AGBL4: variants seen among roughly 807,000 people sequenced by gnomAD.
AGBL4 encodes cytosolic carboxypeptidase 6.
A neutral mutation model predicts 66.4 loss-of-function variants in AGBL4; 58 were observed. The observed-to-expected ratio is 0.87, with a 90% CI of 0.71 to 1.09. AGBL4 has a LOEUF of 1.09. Among genes scored for constraint, AGBL4 ranks in the 50% least tolerant of loss-of-function variants. The pLI, the probability that AGBL4 is intolerant of heterozygous loss-of-function variation, is 0.00. For synonymous variants in AGBL4, 234 were observed against 222.9 expected, an observed-to-expected ratio of 1.05 and a Z score of -0.44; for missense variants, 579 against 631.0, an observed-to-expected ratio of 0.92 and a Z score of 0.88.
chr1:49,968,152 G>A (rs575677066), intron 1 of AGBL4, among the ~76,000 whole-genome samples: 5 of 151,834 alleles, frequency 3.3e-5, no homozygotes, highest in African/African-American at 1.2e-4. Flanking sequence ...GAACTCAGGA[G>A]GCAGAGGTTC....
At chr1:49,170,027 G>A (rs906972375) in intron 4 of AGBL4, among the ~76,000 whole-genome samples, 1 of 151,768 alleles carries the variant, frequency 6.6e-6, no homozygotes, top group Non-Finnish European at 1.5e-5. Context: ...AGTACAAATT[G>A]GGTACAATGT....
At chr1:49,556,749 CGGAGCAGGGGGCGA>C (rs1643911136) in intron 3 of AGBL4, among the ~76,000 whole-genome samples, 1 of 151,968 alleles carries the variant, frequency 6.6e-6, no homozygotes, top group Non-Finnish European at 1.5e-5. Context: ...CCTGGGGCCT[CGGAGCAGGGGGCGA>C]GGTCCGTCGG....
intron 1 of AGBL4, among the ~76,000 whole-genome samples, chr1:49,938,821 A>C (rs1422738360): frequency 6.6e-6 from 1 of 152,070 alleles, no homozygotes. Context: ...ACTCTCAATA[A>C]ATTCAACATA....
At chr1:49,396,634 T>C (rs1372039963) in intron 3 of AGBL4, among the ~76,000 whole-genome samples, 1 of 152,126 alleles carries the variant, frequency 6.6e-6, no homozygotes, top group East Asian at 1.9e-4. Flanking sequence ...CATTTAAGTG[T>C]AAAAATAAGA....
intron 1 of AGBL4, among the ~76,000 whole-genome samples, chr1:49,921,880 C>T (rs894521736): frequency 1.3e-5 from 2 of 152,150 alleles, no homozygotes; most frequent in East Asian, 3.9e-4. Flanking sequence ...CTCCCTCCTC[C>T]CAGTCCACTG....
chr1:49,101,026 G>C (rs1645191120), intron 4 of AGBL4, among the ~76,000 whole-genome samples: 1 of 151,978 alleles, frequency 6.6e-6, no homozygotes, highest in Non-Finnish European at 1.5e-5. Flanking sequence ...TGGGTTCCAG[G>C]GCAGAGTTTC....
intron 3 of AGBL4, among the ~76,000 whole-genome samples, chr1:49,437,507 T>G (rs1401908236): frequency 6.6e-6 from 1 of 152,218 alleles, no homozygotes; most frequent in East Asian, 1.9e-4. Flanking sequence ...TTGTATTCTC[T>G]AGCTTATGGA....
intron 12 of AGBL4, among the ~76,000 whole-genome samples, chr1:48,535,227 G>A (rs1434359529): frequency 1.3e-5 from 2 of 152,080 alleles, no homozygotes; most frequent in Non-Finnish European, 2.9e-5. Flanking sequence ...GGGGACACGA[G>A]AGAGCAAGGA....
intron 3 of AGBL4, among the ~76,000 whole-genome samples, chr1:49,685,210 G>T (rs1051048323): frequency 6.6e-6 from 1 of 152,136 alleles, no homozygotes; most frequent in Non-Finnish European, 1.5e-5. Flanking sequence ...CCATGTTGCT[G>T]CAAAGGACAT....
intron 5 of AGBL4, among the ~76,000 whole-genome samples, chr1:48,972,179 G>C (rs1370602250): frequency 6.6e-6 from 1 of 152,118 alleles, no homozygotes; most frequent in Non-Finnish European, 1.5e-5. Context: ...TTCATGAAAA[G>C]TCCCCACGCC....
chr1:49,959,493 A>T (rs1656941620), intron 1 of AGBL4, among the ~76,000 whole-genome samples: 1 of 152,106 alleles, frequency 6.6e-6, no homozygotes, highest in African/African-American at 2.4e-5. Flanking sequence ...GAAGCCAAGA[A>T]TTGAAAATGT....
chr1:49,186,059 G>A lies in AGBL4; in HGVS notation c.377+59711C>T, dbSNP rs139534054. Among the ~76,000 whole-genome samples, 237 of 152,086 alleles carry A rather than the reference G, an allele frequency of 1.6e-3. 1 individual carries two copies. Among genetic ancestry groups the A allele is most frequent in the African/African-American group, 5.4e-3 (226 of 41,512 alleles). The stretch of plus-strand genomic sequence containing the variant: ...CTTGGACCTGGGACTAGAGTTCCCC[G>A]ATGCTCCACACCATCATAATCTGGG... On this transcript the variant is annotated intron_variant, in intron 4 of 13. Coordinates refer to ENST00000371839, the MANE Select transcript of AGBL4 (RefSeq NM_032785.4).
chr1:49,285,260 C>T (rs1213811941), intron 3 of AGBL4, among the ~76,000 whole-genome samples: 7 of 152,108 alleles, frequency 4.6e-5, no homozygotes, highest in African/African-American at 1.7e-4. Context: ...CAACCTGCTC[C>T]TGAATGACTA....
chr1:49,778,252 A>C (rs1644247070), intron 2 of AGBL4, among the ~76,000 whole-genome samples: 1 of 152,080 alleles, frequency 6.6e-6, no homozygotes, highest in African/African-American at 2.4e-5. Flanking sequence ...CAAGAAGACT[A>C]GGTGCTGCCA....
At chr1:49,458,971 G>C (rs974787922) in intron 3 of AGBL4, among the ~76,000 whole-genome samples, 5 of 151,612 alleles carry the variant, frequency 3.3e-5, no homozygotes, top group African/African-American at 1.2e-4. Context: ...CGAATATTTT[G>C]TTGAGGATTT....
intron 6 of AGBL4, among the ~76,000 whole-genome samples, chr1:48,687,656 G>GCTACTTCCTGACCTCTCTGAGC (rs1646556684): frequency 6.6e-6 from 1 of 152,192 alleles, no homozygotes; most frequent in Non-Finnish European, 1.5e-5. Context: ...TGACCTTGAG[G>GCTACTTCCTGACCTCTCTGAGC]CTACTTCCTG....
chr1:48,745,207 G>A (rs1650554236), intron 6 of AGBL4, among the ~76,000 whole-genome samples: 1 of 152,142 alleles, frequency 6.6e-6, no homozygotes, highest in South Asian at 2.1e-4. Flanking sequence ...TTAATGGGCT[G>A]GGAGAAAGAT....
At chr1:49,712,393 A>C (rs1186530497) in intron 2 of AGBL4, among the ~76,000 whole-genome samples, 1 of 151,938 alleles carries the variant, frequency 6.6e-6, no homozygotes, top group African/African-American at 2.4e-5. Context: ...CGTCTTTTTA[A>C]AAGTTGAATA....
At chr1:48,670,730 G>C (rs535166068) in intron 6 of AGBL4, among the ~76,000 whole-genome samples, 7 of 152,296 alleles carry the variant, frequency 4.6e-5, no homozygotes, top group African/African-American at 1.7e-4. Flanking sequence ...CCTCAGGCAG[G>C]CTCCCTACCC....
Sources: allele counts gnomAD v4.1 joint callset (sites outside exome capture counted in the v4.1 genomes callset), GRCh38; gene constraint gnomAD v4.1.1; transcripts MANE v1.5; gene names NCBI Gene and HGNC (gene_info 2026-07-23, HGNC 2026-07-21).